The following CLNK variants were observed in gnomAD, a reference collection of about 807,000 sequenced individuals.
CLNK encodes cytokine dependent hematopoietic cell linker.
CLNK carries 74 observed loss-of-function variants against 68.6 expected under a neutral mutation model. The ratio of observed to expected loss-of-function variants is 1.08; its 90% CI spans 0.89 to 1.31. The LOEUF (loss-of-function observed/expected upper bound fraction) is 1.31. Ranked by LOEUF, CLNK falls within the 50% of genes most tolerant of loss-of-function variation. CLNK has a pLI of 0.00. For missense variants in CLNK, 553 were observed against 515.3 expected, an observed-to-expected ratio of 1.07 and a Z score of -0.71; for synonymous variants, 198 against 172.2, an observed-to-expected ratio of 1.15 and a Z score of -1.17.
intron 2 of CLNK, among the ~76,000 whole-genome samples, chr4:10,604,507 T>C (rs1036469382): frequency 6.6e-6 from 1 of 152,008 alleles, no homozygotes; most frequent in Non-Finnish European, 1.5e-5. Flanking sequence ...ATGGCCTAGA[T>C]GCCAGTCAAC....
chr4:10,670,475 TG>T (rs1176694866), intron 1 of CLNK, among the ~76,000 whole-genome samples: 2 of 152,240 alleles, frequency 1.3e-5, no homozygotes, highest in Non-Finnish European at 2.9e-5. Flanking sequence ...GGCCAGTTCT[TG>T]TGTACAGAGT....
At chr4:10,706,250 G>T in the CLNK span, among the ~76,000 whole-genome samples, 1 of 152,174 alleles carries the variant, frequency 6.6e-6, no homozygotes, top group African/African-American at 2.4e-5. Flanking sequence ...GTTCTTCTCA[G>T]TTTCACCCTC....
intron 2 of CLNK, among the ~76,000 whole-genome samples, chr4:10,652,817 C>T (rs573851965): frequency 6.6e-6 from 1 of 152,086 alleles, no homozygotes; most frequent in Non-Finnish European, 1.5e-5. Flanking sequence ...TGGTATCTAC[C>T]TTCTTTTCAT....
At chr4:10,509,264 T>A (rs1426920994) in intron 16 of CLNK, among the ~76,000 whole-genome samples, 1 of 152,168 alleles carries the variant, frequency 6.6e-6, no homozygotes, top group East Asian at 1.9e-4. Flanking sequence ...TCTGTTCACA[T>A]GATGTGATGG....
chr4:10,675,454 C>T (rs1187373125), intron 1 of CLNK, among the ~76,000 whole-genome samples: 2 of 152,084 alleles, frequency 1.3e-5, no homozygotes, highest in African/African-American at 4.8e-5. Flanking sequence ...ATATGTAATG[C>T]AACAATCGCA....
In CLNK at chr4:10,513,518, C is replaced by T. The variant is rs114623663; in HGVS notation, c.852G>A (p.Leu284=). 26,581 of 1,611,542 alleles carry T rather than the reference C, an allele frequency of 0.016. 284 individuals carry two copies. The highest frequency in any genetic ancestry group is 0.026 in the Middle Eastern group (156 of 6,046). The part of the protein sequence containing the change: ...PASCSPHENI[L]PYKYTSWRPP... ...GTCTCCAGCTTGTGTATTTATAGGG[C>T]AGTATATTTTCGTGAGGGCTGCAGC... The change falls in exon 16 of 19, where the codon CTG becomes CTA. Residue 284 remains leucine (L), a synonymous_variant. Transcript: ENST00000226951.
Position 10,585,888 on chromosome 4 carries a change from G to T in CLNK, c.84-933C>A, listed in dbSNP as rs1161562392. On this transcript the variant is annotated intron_variant, in intron 3 of 18. Transcript: ENST00000226951. ...AAAGTATTGATTATCTACCTCAGTG[G>T]TCCTCAACCATTTTGGCATCAGGGA... Among the ~76,000 whole-genome samples, 3 of 152,082 alleles carry T rather than the reference G, an allele frequency of 2.0e-5. No individual in the cohort carries two copies. In the East Asian group the frequency reaches 5.8e-4, roughly 29 times the overall value.
chr4:10,569,722 C>T (rs1577136248), intron 5 of CLNK, among the ~76,000 whole-genome samples: 1 of 152,172 alleles, frequency 6.6e-6, no homozygotes, highest in Admixed American at 6.5e-5. Context: ...CTGCAGCCGG[C>T]ATCATGTTAT....
At chr4:10,596,711 C>A (rs1043197041) in intron 3 of CLNK, among the ~76,000 whole-genome samples, 1 of 151,930 alleles carries the variant, frequency 6.6e-6, no homozygotes, top group Non-Finnish European at 1.5e-5. Context: ...TAGTTTGGAA[C>A]AGGTTGCAAA....
the CLNK span, among the ~76,000 whole-genome samples, chr4:10,699,494 C>CTATATATATATATATATATA: frequency 1.8e-5 from 1 of 56,968 alleles, no homozygotes; most frequent in African/African-American, 9.1e-5. Context: ...CTCTCTCTCT[C>CTATATATATATATATATATA]TATATATATA....
chr4:10,602,274 T>C (rs1721613993), intron 2 of CLNK, among the ~76,000 whole-genome samples: 3 of 152,234 alleles, frequency 2.0e-5, no homozygotes, highest in African/African-American at 7.2e-5. Context: ...CAATACAGTG[T>C]AGTTGAATTG....
the CLNK span, among the ~76,000 whole-genome samples, chr4:10,713,859 C>T: frequency 6.6e-6 from 1 of 152,190 alleles, no homozygotes; most frequent in Non-Finnish European, 1.5e-5. Flanking sequence ...CCAAATAGAC[C>T]TCTTTTCTTT....
chr4:10,639,217 T>A (rs1723214586), intron 2 of CLNK, among the ~76,000 whole-genome samples: 1 of 152,250 alleles, frequency 6.6e-6, no homozygotes, highest in South Asian at 2.1e-4. Context: ...TGAGTAAGGC[T>A]GCATGAAACT....
chr4:10,586,913 A>G (rs776922225), intron 3 of CLNK, among the ~76,000 whole-genome samples: 2 of 150,204 alleles, frequency 1.3e-5, no homozygotes, highest in Non-Finnish European at 3.0e-5. Flanking sequence ...TGGGCCATTT[A>G]TGTGTCTTCT....
intron 16 of CLNK, among the ~76,000 whole-genome samples, chr4:10,508,754 T>G (rs1431674382): frequency 1.3e-5 from 2 of 152,136 alleles, no homozygotes; most frequent in Non-Finnish European, 2.9e-5. Context: ...CAGCACATCT[T>G]TGAAGTAGGC....
intron 2 of CLNK, among the ~76,000 whole-genome samples, chr4:10,652,744 C>T (rs1577198040): frequency 6.6e-6 from 1 of 152,162 alleles, no homozygotes; most frequent in Non-Finnish European, 1.5e-5. Context: ...TTTTTAATGC[C>T]TGGTCTTTTA....
chr4:10,733,078 C>T, the CLNK span, among the ~76,000 whole-genome samples: 572 of 152,214 alleles, frequency 3.8e-3, 6 homozygotes, highest in African/African-American at 0.013. Context: ...AATTCCAAGC[C>T]CCCCTTTCGG....
At chr4:10,656,199 C>T (rs980118792) in intron 2 of CLNK, among the ~76,000 whole-genome samples, 5 of 151,960 alleles carry the variant, frequency 3.3e-5, no homozygotes, top group African/African-American at 9.6e-5. Flanking sequence ...CGCTATGACT[C>T]ATTGACCTGA....
At chr4:10,566,357 A>G (rs533929014) in intron 5 of CLNK, among the ~76,000 whole-genome samples, 3 of 152,358 alleles carry the variant, frequency 2.0e-5, no homozygotes, top group Non-Finnish European at 4.4e-5. Context: ...ATCTCTGGTT[A>G]CTGAATCAAT....
Sources: allele counts gnomAD v4.1 joint callset (sites outside exome capture counted in the v4.1 genomes callset), GRCh38; gene constraint gnomAD v4.1.1; transcripts MANE v1.5; gene names NCBI Gene and HGNC (gene_info 2026-07-23, HGNC 2026-07-21).